The following PML variants were observed in gnomAD, a reference collection of about 807,000 sequenced individuals.
PML encodes PML nuclear body scaffold.
A neutral mutation model predicts 65.2 loss-of-function variants in PML; 28 were observed. That is an observed-to-expected ratio of 0.43 (90% CI 0.32 to 0.59). The LOEUF (loss-of-function observed/expected upper bound fraction) is 0.59, where lower values mean the gene tolerates loss of function less well. PML is among the 20% of genes least tolerant of loss of function. The pLI, the probability that PML is intolerant of heterozygous loss-of-function variation, is 0.08. For missense variants in PML, 1,021 were observed against 1,203.4 expected (o/e 0.85, Z 2.24); for synonymous variants, 500 against 508.8 (o/e 0.98, Z 0.23).
intron 7 of PML, chr15:74,034,965 C>T: frequency 6.8e-7 from 1 of 1,473,896 alleles, no homozygotes; most frequent in Non-Finnish European, 8.9e-7. Flanking sequence ...AGGTTTGACT[C>T]CATCCATGTA....
Position 74,042,765 on chromosome 15 carries a change from G to T in PML, c.1711-224G>T, listed in dbSNP as rs1397678756. On this transcript the variant is annotated intron_variant, in intron 7 of 8. Transcript: ENST00000268058. This position sits in a 1 kb window ranked among gnomAD's most constrained non-coding sequence, Gnocchi z 5.3. ...GTCACCCTTCCTCCCCTACTCATGAGGGTGTATGCCCTGGTTCATACATGT... is the reference window on the plus strand; with the variant it reads ...GTCACCCTTCCTCCCCTACTCATGATGGTGTATGCCCTGGTTCATACATGT... 1 of 985,202 alleles carries T rather than the reference G, an allele frequency of 1.0e-6. No individual in the cohort carries two copies. The highest frequency in any genetic ancestry group is 1.2e-6 in the Non-Finnish European group (1 of 829,914). The allele number at this position is 985,202 out of a possible 1,614,324, so 61.0% of individuals were successfully genotyped here. A position where few individuals can be genotyped will look rare whatever the true frequency, so the allele number is the denominator to read the frequency against.
intron 7 of PML, 72 bp downstream of exon 7, chr15:74,034,602 G>A (rs201277938): frequency 6.2e-7 from 1 of 1,614,174 alleles, no homozygotes; most frequent in African/African-American, 1.3e-5. Flanking sequence ...CACAGCCACA[G>A]CAGGTGACTC....
chr15:74,027,577 CA>C (rs1399501232), intron 4 of PML: 3 of 152,136 alleles, frequency 2.0e-5, no homozygotes, highest in African/African-American at 7.2e-5. Context: ...CAAATAAAAT[CA>C]AAATAATAAT....
At position 74,044,811 on chromosome 15, in the gene PML, G is replaced by A. The variant is rs754603424; in HGVS notation, c.2452G>A (p.Gly818Arg). 9 of 1,613,094 alleles carry A rather than the reference G, an allele frequency of 5.6e-6. No individual in the cohort carries two copies. The highest frequency in any genetic ancestry group is 7.6e-6 in the Non-Finnish European group (9 of 1,180,052). ...LLSAHRRDRQ[G>R]GLKKYSRYLS... ...GAGTGCACACCGCCGTGACCGGCAG[G>A]GGGGCCTGAAGAAGTACAGCCGCTA... The change falls in exon 9 of 9, where the codon GGG becomes AGG. Residue 818 changes from glycine (G) to arginine (R), a missense_variant. Coordinates refer to ENST00000268058, the MANE Select transcript of PML (RefSeq NM_033238.3).
chr15:74,042,666 A>G lies in PML; in HGVS notation c.1711-323A>G. On this transcript the variant is annotated intron_variant, in intron 7 of 8. Transcript: ENST00000268058. The surrounding 1 kb of genome is among the most constrained non-coding windows in gnomAD (Gnocchi z 5.3). ...GTGTCAACGCAGGTTCACAGCTCAC[A>G]CTTAACTGTGCATGCACACACAGAT... 1.0e-6 allele frequency: 1 copy of G among 985,250 alleles called. No individual in the cohort carries two copies. Among genetic ancestry groups the G allele is most frequent in the Non-Finnish European group, 1.2e-6 (1 of 829,858 alleles). 61.0% of individuals were successfully genotyped at this position (985,250 alleles called of 1,614,324 possible). A position where few individuals can be genotyped will look rare whatever the true frequency, so the allele number is the denominator to read the frequency against.
rs905965016 is a variant in PML, at chr15:74,035,528, T to C, written c.1710+998T>C. On this transcript the variant is annotated intron_variant, in intron 7 of 8. Transcript: ENST00000268058. The surrounding 1 kb of genome is among the most constrained non-coding windows in gnomAD (Gnocchi z 4.1). ...CCCCTATTCGGACTTGGTCTCCCCA[T>C]GTGGTCCAAGCCAGCACTCCTGCCA... The C allele has an allele frequency of 7.4e-6, 12 of 1,611,038 alleles. No homozygotes were observed. The East Asian group carries it at 1.3e-4, about 18-fold the overall frequency.
At chr15:74,006,972 C>T (rs2070090301) in intron 2 of PML, among the ~76,000 whole-genome samples, 1 of 152,222 alleles carries the variant, frequency 6.6e-6, no homozygotes, top group African/African-American at 2.4e-5. Context: ...CATCCACCCT[C>T]ATGACCCAAA....
intron 2 of PML, among the ~76,000 whole-genome samples, chr15:74,007,450 C>A (rs1174179064): frequency 1.3e-5 from 2 of 152,220 alleles, no homozygotes; most frequent in Non-Finnish European, 2.9e-5. Context: ...CATGTGCTCC[C>A]ACTCCCATTT....
rs189842790 is a variant in PML, at chr15:74,022,765, C to T, written c.603-63C>T. ...TATTTTTGGAAGAGGAATTTAATAA[C>T]GAACGTTTTAAGAGGAAAAAGTCAG... On this transcript the variant is annotated intron_variant, in intron 2 of 8. Transcript: ENST00000268058. 1.6e-3 allele frequency: 2,135 copies of T among 1,302,440 alleles called. 2 individuals are homozygous for T. The highest frequency in any genetic ancestry group is 2.6e-3 in the Middle Eastern group (14 of 5,482). The allele number at this position is 1,302,440 out of a possible 1,614,324, so 80.7% of individuals were successfully genotyped here. A position where few individuals can be genotyped will look rare whatever the true frequency, so the allele number is the denominator to read the frequency against.
intron 2 of PML, 53 bp from the exon 3 acceptor site, chr15:74,022,775 A>T: frequency 1.4e-6 from 2 of 1,412,906 alleles, no homozygotes; most frequent in Non-Finnish European, 2.0e-6. Flanking sequence ...CGAACGTTTT[A>T]AGAGGAAAAA....
rs745836986 is a variant in PML, at chr15:74,022,814, TTGTGTG to T, written c.603-12_603-7del. 2.5e-6 allele frequency: 4 copies of T among 1,612,600 alleles called. No individual in the cohort carries two copies. The Admixed American group carries it at 6.7e-5, about 27-fold the overall frequency. On this transcript the variant is annotated splice_region_variant and splice_polypyrimidine_tract_variant and intron_variant, in intron 2 of 8. Coordinates refer to ENST00000268058, the MANE Select transcript of PML (RefSeq NM_033238.3). ...AGGAGAGTCCTAACCCAGGCCAACC[TTGTGTG>T]TCCACAGCATCTACTGCCGAGGATG...
intron 1 of PML, 44 bp from the exon 2 acceptor site, chr15:73,997,960 T>A: frequency 6.4e-7 from 1 of 1,570,068 alleles, no homozygotes; most frequent in Non-Finnish European, 8.8e-7. Flanking sequence ...AGGTGGGGGC[T>A]TTTGGGACTT....
At chr15:74,014,363 G>T in intron 2 of PML, among the ~76,000 whole-genome samples, 1 of 151,840 alleles carries the variant, frequency 6.6e-6, no homozygotes, top group African/African-American at 2.4e-5. Context: ...ATAGAGTCTC[G>T]CTCTGCCTCC....
At chr15:73,995,637 A>G (rs1227156999) in intron 1 of PML, among the ~76,000 whole-genome samples, 2 of 152,238 alleles carry the variant, frequency 1.3e-5, no homozygotes, top group African/African-American at 4.8e-5. Flanking sequence ...TAAGAATAAC[A>G]TTACTTAACA....
intron 2 of PML, among the ~76,000 whole-genome samples, chr15:74,018,894 C>A (rs1017356660): frequency 5.9e-5 from 9 of 152,192 alleles, no homozygotes; most frequent in Non-Finnish European, 8.8e-5. Flanking sequence ...TGTCACGGAG[C>A]CCTTCTGGGC....
rs573828634 is a variant in PML, at chr15:74,035,656, G to A, written c.1710+1126G>A. 1.5e-5 allele frequency: 24 copies of A among 1,613,998 alleles called. No homozygotes were observed. The highest frequency in any genetic ancestry group is 1.3e-4 in the East Asian group (6 of 44,872). ...CGGATACGAGGGGCTGTGCGATCCCGCAGCCGCTCCCTCCGGGGCTCCTCC... is the reference window on the plus strand; with the variant it reads ...CGGATACGAGGGGCTGTGCGATCCCACAGCCGCTCCCTCCGGGGCTCCTCC... On this transcript the variant is annotated intron_variant, in intron 7 of 8. Coordinates refer to ENST00000268058, the MANE Select transcript of PML (RefSeq NM_033238.3). This position sits in a 1 kb window ranked among gnomAD's most constrained non-coding sequence, Gnocchi z 4.1.
At chr15:74,010,422 T>A (rs2070278377) in intron 2 of PML, among the ~76,000 whole-genome samples, 1 of 148,928 alleles carries the variant, frequency 6.7e-6, no homozygotes. Flanking sequence ...GAGACTGAGG[T>A]GGGAGGATCA....
rs762061870 is a variant in PML, at chr15:74,044,517, G to A, written c.2158G>A (p.Gly720Arg). 24 of 1,613,830 alleles carry A rather than the reference G, an allele frequency of 1.5e-5. No individual in the cohort carries two copies. Among genetic ancestry groups the A allele is most frequent in the Admixed American group, 5.0e-5 (3 of 60,014 alleles). ...ALPLIRERVPGASSFKLKNLA... is the reference protein window; with the variant it reads ...ALPLIRERVPRASSFKLKNLA... ...GCCTCTCATCCGGGAGCGTGTGCCC[G>A]GGGCCAGCAGCTTCAAACTCAAGAA... is the stretch of plus-strand genomic sequence containing the variant. Residue 720 changes from glycine to arginine, a missense_variant, in exon 9 of 9, where the codon GGG (glycine) becomes AGG (arginine). Transcript: ENST00000268058.
chr15:74,024,877 G>C lies in PML; in HGVS notation c.1204G>C (p.Ala402Pro), dbSNP rs768386792. Residue 402 changes from alanine (A) to proline (P), a missense_variant, in exon 4 of 9, where the codon GCC (alanine) becomes CCC (proline). Coordinates refer to ENST00000268058, the MANE Select transcript of PML (RefSeq NM_033238.3). ...QGKDAAVSKK[A>P]SPEAASTPRD... ...TACAGATGCAGCTGTATCCAAGAAA[G>C]CCAGCCCAGAGGCTGCCAGCACTCC... The C allele has an allele frequency of 1.2e-6, 2 of 1,613,862 alleles. No individual in the cohort carries two copies. The highest frequency in any genetic ancestry group is 4.5e-5 in the East Asian group (2 of 44,888).
Sources: allele counts gnomAD v4.1 joint callset (sites outside exome capture counted in the v4.1 genomes callset), GRCh38; gene constraint gnomAD v4.1.1; non-coding constraint Gnocchi (gnomAD v3.1); transcripts MANE v1.5; gene names NCBI Gene and HGNC (gene_info 2026-07-23, HGNC 2026-07-21).